The following SNTN variants were observed in gnomAD, a reference collection of about 807,000 sequenced individuals.
SNTN encodes the protein sentan.
SNTN carries 13 observed loss-of-function variants against 12.3 expected under a neutral mutation model. The ratio of observed to expected loss-of-function variants is 1.05; its 90% CI spans 0.69 to 1.67. The LOEUF is 1.67. SNTN is among the 40% of genes most tolerant of loss of function. The pLI, the probability that SNTN is intolerant of heterozygous loss-of-function variation, is 0.00. For missense variants in SNTN, 189 were observed against 169.8 expected (o/e 1.11, Z -0.63); for synonymous variants, 69 against 58.5 (o/e 1.18, Z -0.82).
chr3:63,662,514 T>G (rs1442343850), intron 3 of SNTN, among the ~76,000 whole-genome samples: 1 of 152,196 alleles, frequency 6.6e-6, no homozygotes, highest in African/African-American at 2.4e-5. Context: ...TCTTAAAATA[T>G]GCAGGAAATA....
intron 2 of SNTN, among the ~76,000 whole-genome samples, chr3:63,658,146 T>C (rs74647989): frequency 6.6e-6 from 1 of 152,132 alleles, no homozygotes; most frequent in African/African-American, 2.4e-5. Context: ...CTGCCAAATA[T>C]GTCAGATTTC....
chr3:63,662,230 T>C (rs1348362834), intron 3 of SNTN, among the ~76,000 whole-genome samples: 1 of 152,184 alleles, frequency 6.6e-6, no homozygotes, highest in Admixed American at 6.5e-5. Context: ...CGTGAGTCAA[T>C]GGCAAAGCTC....
intron 1 of SNTN, among the ~76,000 whole-genome samples, chr3:63,653,868 C>A (rs1700647371): frequency 6.6e-6 from 1 of 152,208 alleles, no homozygotes; most frequent in Non-Finnish European, 1.5e-5. Flanking sequence ...TATGCCCTGG[C>A]CCTGCCTGGC....
At chr3:63,654,372 G>C (rs78960423) in intron 1 of SNTN, among the ~76,000 whole-genome samples, 7,040 of 152,244 alleles carry the variant, frequency 0.046, 216 homozygotes, top group Middle Eastern at 0.092. Context: ...GCAGTCACGT[G>C]AGACACAGGA....
intron 2 of SNTN, among the ~76,000 whole-genome samples, chr3:63,656,850 G>A (rs964435335): frequency 2.6e-5 from 4 of 152,284 alleles, no homozygotes; most frequent in African/African-American, 7.2e-5. Flanking sequence ...TAGAGGCAGC[G>A]TGCATCTTGG....
intron 3 of SNTN, among the ~76,000 whole-genome samples, chr3:63,660,245 T>G (rs559261116): frequency 7.9e-4 from 120 of 151,774 alleles, no homozygotes; most frequent in African/African-American, 2.7e-3. Context: ...AATGATGGCG[T>G]TCCAAGCAGA....
chr3:63,657,895 C>T (rs925922691), intron 2 of SNTN, among the ~76,000 whole-genome samples: 1 of 152,292 alleles, frequency 6.6e-6, no homozygotes, highest in East Asian at 1.9e-4. Context: ...CTCAGAGATA[C>T]AATAAAAACT....
intron 3 of SNTN, among the ~76,000 whole-genome samples, chr3:63,661,231 A>G (rs1027312211): frequency 6.6e-6 from 1 of 152,212 alleles, no homozygotes; most frequent in Non-Finnish European, 1.5e-5. Flanking sequence ...CCTAGGGAAA[A>G]TGTGTAAGAG....
chr3:63,656,161 T>C (rs1700677828), intron 2 of SNTN, among the ~76,000 whole-genome samples: 1 of 152,214 alleles, frequency 6.6e-6, no homozygotes, highest in East Asian at 1.9e-4. Flanking sequence ...AGACTGGTAT[T>C]TCCATGACAC....
intron 1 of SNTN, among the ~76,000 whole-genome samples, chr3:63,654,189 C>T (rs1575748732): frequency 6.6e-6 from 1 of 152,320 alleles, no homozygotes; most frequent in East Asian, 1.9e-4. Flanking sequence ...CTCTATCAGT[C>T]ACTCATGCAT....
intron 1 of SNTN, 38 bp downstream of exon 1, chr3:63,652,835 T>A: frequency 6.3e-7 from 1 of 1,574,838 alleles, no homozygotes; most frequent in Non-Finnish European, 8.7e-7. Flanking sequence ...GAGTTTCATT[T>A]AAGCTTGCAG....
chr3:63,653,656 A>G (rs890102479), intron 1 of SNTN, among the ~76,000 whole-genome samples: 3 of 152,208 alleles, frequency 2.0e-5, no homozygotes, highest in African/African-American at 7.2e-5. Flanking sequence ...CACTCCAGCC[A>G]TTGGGGGTTG....
At chr3:63,654,730 G>T (rs774756050) in intron 1 of SNTN, 32 bp from the exon 2 acceptor site, 45 of 1,609,252 alleles carry the variant, frequency 2.8e-5, no homozygotes, top group Non-Finnish European at 3.7e-5. Flanking sequence ...CCAACTCCCA[G>T]AATCATTCTG....
At chr3:63,659,556 G>A (rs1444683098) in intron 2 of SNTN, among the ~76,000 whole-genome samples, 169 bp from the exon 3 acceptor site, 1 of 152,118 alleles carries the variant, frequency 6.6e-6, no homozygotes, top group Non-Finnish European at 1.5e-5. Context: ...TTTGTTCTCG[G>A]TTGTTTAAAG....
chr3:63,658,703 C>T (rs552411490), intron 2 of SNTN, among the ~76,000 whole-genome samples: 1 of 152,160 alleles, frequency 6.6e-6, no homozygotes, highest in East Asian at 1.9e-4. Context: ...GTGCCTGGCC[C>T]CACATCTGGT....
chr3:63,661,579 G>C (rs1700744410), intron 3 of SNTN, among the ~76,000 whole-genome samples: 1 of 152,006 alleles, frequency 6.6e-6, no homozygotes, highest in Admixed American at 6.6e-5. Flanking sequence ...TTGAGTAATG[G>C]GGTAAAGGGT....
chr3:63,663,929 T>A lies in SNTN; in HGVS notation c.286-8T>A, dbSNP rs1028309730. The A allele has an allele frequency of 3.1e-6, 5 of 1,607,994 alleles. No individual in the cohort carries two copies. The highest frequency in any genetic ancestry group is 4.5e-5 in the East Asian group (2 of 44,824). On this transcript the variant is annotated splice_polypyrimidine_tract_variant and splice_region_variant and intron_variant, in intron 3 of 3. Coordinates refer to ENST00000343837, the MANE Select transcript of SNTN (RefSeq NM_001080537.2). ...ACGAATTCGGTTTTTATTTCTCCAT[T>A]CTCACAGGGACAAGAAACCAAGCCA... is the stretch of plus-strand genomic sequence containing the variant.
At position 63,652,747 on chromosome 3, in the gene SNTN, T is replaced by A. The variant is rs772732165; in HGVS notation, c.60T>A (p.Asn20Lys). 6.2e-7 allele frequency: 1 copy of A among 1,614,058 alleles called. No homozygotes were observed. The highest frequency in any genetic ancestry group is 1.3e-5 in the African/African-American group (1 of 75,028). The change falls in exon 1 of 4, where the codon AAT (asparagine) becomes AAA (lysine). Residue 20 changes from asparagine (N) to lysine (K), a missense_variant. Coordinates refer to ENST00000343837, the MANE Select transcript of SNTN (RefSeq NM_001080537.2). ...DKSLHLEGDP[N>K]PSAAPTSTCA... Reference sequence around the variant, plus strand: ...CTCTCCACTTGGAAGGAGATCCCAATCCTTCTGCAGCCCCAACATCCACCT... The same window carrying A: ...CTCTCCACTTGGAAGGAGATCCCAAACCTTCTGCAGCCCCAACATCCACCT...
In SNTN at chr3:63,654,723, A is replaced by G. The variant is rs368933217; in HGVS notation, c.111-39A>G. On this transcript the variant is annotated intron_variant, in intron 1 of 3. Coordinates refer to ENST00000343837, the MANE Select transcript of SNTN (RefSeq NM_001080537.2). ...TATAGATGCTGATATCAATACCCCA[A>G]CTCCCAGAATCATTCTGTTTCTTTC... is the stretch of plus-strand genomic sequence containing the variant. 1.9e-6 allele frequency: 3 copies of G among 1,598,538 alleles called. No individual in the cohort carries two copies. The African/African-American group carries it at 4.0e-5, about 21-fold the overall frequency.
Sources: gnomAD v4.1 joint callset for allele counts (sites outside exome capture counted in the v4.1 genomes callset) on GRCh38, gnomAD v4.1.1 for gene constraint, MANE v1.5 for transcripts, NCBI Gene and HGNC (gene_info 2026-07-23, HGNC 2026-07-21) for gene names.